The following DOCK8 variants were observed in gnomAD, a reference collection of about 807,000 sequenced individuals.
DOCK8 encodes dedicator of cytokinesis protein 8.
DOCK8 carries 141 observed loss-of-function variants against 245.6 expected under a neutral mutation model. That is an observed-to-expected ratio of 0.57 (90% CI 0.50 to 0.66). The LOEUF is 0.66. DOCK8 is among the 30% of genes least tolerant of loss of function. DOCK8 has a pLI of 0.00. For synonymous variants in DOCK8, 1,168 were observed against 970.2 expected (o/e 1.20, Z -3.79); for missense variants, 2,965 against 2,603.4 (o/e 1.14, Z -3.02).
chr9:399,074 T>C, intron 25 of DOCK8, 72 bp from the exon 26 acceptor site: 2 of 1,408,780 alleles, frequency 1.4e-6, no homozygotes, highest in Admixed American at 1.7e-5. Context: ...CTCCCAATGT[T>C]CCCACCAGTG....
At chr9:323,249 A>T (rs1202010099) in intron 7 of DOCK8, among the ~76,000 whole-genome samples, 2 of 108,142 alleles carry the variant, frequency 1.8e-5, no homozygotes, top group African/African-American at 3.6e-5. Flanking sequence ...TTTGAGACAG[A>T]GTCTCACTCT....
At chr9:345,719 G>A (rs970677882) in intron 14 of DOCK8, among the ~76,000 whole-genome samples, 1 of 152,116 alleles carries the variant, frequency 6.6e-6, no homozygotes. Context: ...TCTTTGCCCT[G>A]CCCCTTCAGG....
chr9:452,961 AG>A (rs987140970), intron 46 of DOCK8: 3 of 152,250 alleles, frequency 2.0e-5, no homozygotes, highest in Non-Finnish European at 2.9e-5. Context: ...ATAAGAGAAA[AG>A]GACTTCAGAA....
At chr9:403,863 TCTCTCTCTC>T (rs2055231052) in intron 26 of DOCK8, among the ~76,000 whole-genome samples, 4 of 64,706 alleles carry the variant, frequency 6.2e-5, no homozygotes, top group African/African-American at 3.6e-4. Context: ...TCTGTATCTC[TCTCTCTCTC>T]TCTCTCTCTC....
intron 2 of DOCK8, among the ~76,000 whole-genome samples, chr9:275,611 T>C (rs187437867): frequency 2.0e-5 from 3 of 152,304 alleles, no homozygotes; most frequent in East Asian, 3.9e-4. Context: ...TTTTTTGAGA[T>C]GGAGTCTCGC....
At chr9:256,661 A>G (rs1258876737) in intron 1 of DOCK8, among the ~76,000 whole-genome samples, 1 of 152,086 alleles carries the variant, frequency 6.6e-6, no homozygotes, top group Non-Finnish European at 1.5e-5. Context: ...CCCCTCCTAT[A>G]GAGGCACCAT....
intron 47 of DOCK8, 30 bp from the exon 48 acceptor site, chr9:464,129 C>T: frequency 6.3e-7 from 1 of 1,582,920 alleles, no homozygotes; most frequent in Non-Finnish European, 8.7e-7. Flanking sequence ...GCTCTCTTTC[C>T]CTCTCCTCCC....
At chr9:215,744 A>G (rs1330352834) in intron 1 of DOCK8, 4 of 243,632 alleles carry the variant, frequency 1.6e-5, no homozygotes, top group African/African-American at 4.5e-5. Context: ...TCAAAGTTGC[A>G]CAAACTAAAT....
At chr9:288,944 T>C (rs548202065) in intron 3 of DOCK8, among the ~76,000 whole-genome samples, 4 of 152,378 alleles carry the variant, frequency 2.6e-5, no homozygotes, top group South Asian at 4.1e-4. Context: ...ATTGTTATTT[T>C]TGATTTCAAG....
At chr9:435,214 T>G (rs989633290) in intron 39 of DOCK8, among the ~76,000 whole-genome samples, 2 of 152,206 alleles carry the variant, frequency 1.3e-5, no homozygotes, top group East Asian at 3.8e-4. Context: ...GTGCTAAGGT[T>G]GAAAAATTCC....
intron 1 of DOCK8, among the ~76,000 whole-genome samples, chr9:266,462 T>A (rs1266104246): frequency 6.6e-6 from 1 of 152,194 alleles, no homozygotes; most frequent in Non-Finnish European, 1.5e-5. Flanking sequence ...AAAAATCACC[T>A]GGAATTGCTG....
chr9:412,768 A>G (rs945792047), intron 28 of DOCK8, among the ~76,000 whole-genome samples: 5 of 152,180 alleles, frequency 3.3e-5, no homozygotes, highest in Admixed American at 1.3e-4. Context: ...ATATAAATAA[A>G]TGGAGGATAT....
chr9:314,264 C>G (rs934877238), intron 6 of DOCK8: 2 of 152,152 alleles, frequency 1.3e-5, no homozygotes, highest in Non-Finnish European at 2.9e-5. Flanking sequence ...ACTGATTTGG[C>G]CTTTACTTTC....
chr9:260,459 CT>C (rs1223620463), intron 1 of DOCK8, among the ~76,000 whole-genome samples: 1 of 152,218 alleles, frequency 6.6e-6, no homozygotes, highest in Non-Finnish European at 1.5e-5. Context: ...TCAGTAACTC[CT>C]TAAAATTGTT....
intron 15 of DOCK8, 130 bp downstream of exon 15, chr9:368,265 G>A (rs778569571): frequency 6.0e-6 from 5 of 829,334 alleles, no homozygotes; most frequent in Middle Eastern, 2.2e-4. Context: ...GCATGTGCAA[G>A]GGCTTCTGTG....
At chr9:352,363 A>T (rs2052210862) in intron 14 of DOCK8, among the ~76,000 whole-genome samples, 1 of 152,064 alleles carries the variant, frequency 6.6e-6, no homozygotes, top group African/African-American at 2.4e-5. Flanking sequence ...ATTTTATGCA[A>T]CCTCTAACGT....
At chr9:241,365 C>G (rs530660732) in intron 1 of DOCK8, among the ~76,000 whole-genome samples, 1 of 152,262 alleles carries the variant, frequency 6.6e-6, no homozygotes, top group Admixed American at 6.5e-5. Context: ...CTTAACAAAT[C>G]TCTCCCATCT....
chr9:275,899 T>C (rs1220885552), intron 2 of DOCK8, among the ~76,000 whole-genome samples: 1 of 85,514 alleles, frequency 1.2e-5, no homozygotes, highest in Non-Finnish European at 2.5e-5. Context: ...TAGTTTTACT[T>C]TTTTTTTTTG....
intron 1 of DOCK8, among the ~76,000 whole-genome samples, chr9:261,709 A>G (rs1424489512): frequency 6.6e-6 from 1 of 152,108 alleles, no homozygotes; most frequent in Non-Finnish European, 1.5e-5. Flanking sequence ...CTTTTATTGT[A>G]GTTGTGGATG....
Sources: allele counts gnomAD v4.1 joint callset (sites outside exome capture counted in the v4.1 genomes callset), GRCh38; gene constraint gnomAD v4.1.1; transcripts MANE v1.5; gene names NCBI Gene and HGNC (gene_info 2026-07-23, HGNC 2026-07-21).